ERN2: variants seen among roughly 807,000 people sequenced by gnomAD.
ERN2 encodes the protein endoplasmic reticulum to nucleus signaling 2, also known as serine/threonine-protein kinase/endoribonuclease IRE2.
In ERN2, 111 loss-of-function variants were observed where a neutral mutation model predicts 107.9. That is an observed-to-expected ratio of 1.03 (90% CI 0.88 to 1.20). The LOEUF (loss-of-function observed/expected upper bound fraction) is 1.20, where lower values mean the gene tolerates loss of function less well. Among genes scored for constraint, ERN2 ranks in the 50% most tolerant of loss-of-function variants. The probability of loss-of-function intolerance (pLI) is 0.00; values close to 1 mark genes in which losing one functional copy is unlikely to be tolerated. For missense variants in ERN2, 1,225 were observed against 1,197.9 expected (o/e 1.02, Z -0.33); for synonymous variants, 524 against 501.7 (o/e 1.04, Z -0.59).
At chr16:23,707,431 T>G in intron 4 of ERN2, 1 of 321,896 alleles carries the variant, frequency 3.1e-6, no homozygotes, top group Middle Eastern at 1.1e-3. Flanking sequence ...AAACTTGCAC[T>G]GGGGCAGGCA....
chr16:23,698,837 C>G (rs905434008), intron 13 of ERN2, among the ~76,000 whole-genome samples: 4 of 152,214 alleles, frequency 2.6e-5, no homozygotes, highest in African/African-American at 7.2e-5. Context: ...ATCCCCCTGC[C>G]TTGGCCTCCC....
At chr16:23,710,630 G>T in intron 2 of ERN2, 81 bp from the exon 3 acceptor site, 1 of 1,467,412 alleles carries the variant, frequency 6.8e-7, no homozygotes. Flanking sequence ...CTGAGCTATG[G>T]CATGACTGTG....
intron 8 of ERN2, among the ~76,000 whole-genome samples, chr16:23,704,552 C>A (rs750762779): frequency 2.6e-5 from 4 of 152,172 alleles, no homozygotes; most frequent in Non-Finnish European, 5.9e-5. Context: ...AACTGAAAGT[C>A]CAATTAAACC....
chr16:23,692,009 G>A lies in ERN2; in HGVS notation c.2330C>T (p.Ala777Val). Reference sequence around the variant, plus strand: ...GGCTCTGCTCCAAAAGAAGGGGTGGGCCAGCACCTGGGGGGCAGAGGGGCG... The same window carrying A: ...GGCTCTGCTCCAAAAGAAGGGGTGGACCAGCACCTGGGGGGCAGAGGGGCG... ...QPRPSAPQVL[A>V]HPFFWSRAKQ... Residue 777 changes from alanine to valine, a missense_variant, in exon 19 of 22, where the codon GCC becomes GTC. Coordinates refer to ENST00000256797, the MANE Select transcript of ERN2 (RefSeq NM_033266.4). 6.2e-7 allele frequency: 1 copy of A among 1,613,830 alleles called. No homozygotes were observed. The highest frequency in any genetic ancestry group is 8.5e-7 in the Non-Finnish European group (1 of 1,179,940).
Position 23,694,840 on chromosome 16 carries a change from A to G in ERN2, c.1988T>C (p.Leu663Pro). The change falls in exon 17 of 22, where the codon CTC becomes CCC. Residue 663 changes from leucine to proline, a missense_variant. Physicochemically the swap from Leu to Pro is moderately conservative, Grantham distance 98. Coordinates refer to ENST00000256797, the MANE Select transcript of ERN2 (RefSeq NM_033266.4). Reference sequence around the variant, plus strand: ...GCGGCCAGCAGGCAGCTTCTTGCAGAGGCCGAAGTCTGAGAGCACCACTCT... The same window carrying G: ...GCGGCCAGCAGGCAGCTTCTTGCAGGGGCCGAAGTCTGAGAGCACCACTCT... ...LGRVVLSDFG[L>P]CKKLPAGRCS... 1.2e-6 allele frequency: 2 copies of G among 1,614,190 alleles called. No individual in the cohort carries two copies. Among genetic ancestry groups the G allele is most frequent in the Non-Finnish European group, 1.7e-6 (2 of 1,180,016 alleles).
intron 8 of ERN2, among the ~76,000 whole-genome samples, chr16:23,703,161 T>C (rs1266834156): frequency 3.3e-5 from 5 of 152,232 alleles, no homozygotes; most frequent in Non-Finnish European, 7.3e-5. Flanking sequence ...CAATTTGTTA[T>C]GCAGCTAAAG....
chr16:23,710,562 G>A lies in ERN2; in HGVS notation c.200-13C>T. 1.2e-6 allele frequency: 2 copies of A among 1,614,100 alleles called. No individual in the cohort carries two copies. The highest frequency in any genetic ancestry group is 1.7e-6 in the Non-Finnish European group (2 of 1,179,976). On this transcript the variant is annotated splice_polypyrimidine_tract_variant and intron_variant, in intron 2 of 21. Coordinates refer to ENST00000256797, the MANE Select transcript of ERN2 (RefSeq NM_033266.4). ...TCGATGACGGGATCTGCAGGGACAG[G>A]GACACAGAACATAAGCAGTTTCCTC...
At chr16:23,699,625 A>G (rs953177206) in intron 13 of ERN2, among the ~76,000 whole-genome samples, 1 of 152,066 alleles carries the variant, frequency 6.6e-6, no homozygotes, top group Non-Finnish European at 1.5e-5. Context: ...AGGTCTCCCT[A>G]TGTTGCCCAG....
In ERN2 at chr16:23,700,538, C is replaced by A. The variant is rs773035100; in HGVS notation, c.1525+1G>T. ...GCCCTGTCTTGTTCACACAGGCTCA[C>A]CTTCAGGGTCGTCGAGTGGCTGGGC... On this transcript the variant is annotated splice_donor_variant, in intron 13 of 21. Transcript: ENST00000256797. LOFTEE classifies it high-confidence loss of function. The A allele has an allele frequency of 6.2e-7, 1 of 1,610,904 alleles. No individual in the cohort carries two copies. The highest frequency in any genetic ancestry group is 8.5e-7 in the Non-Finnish European group (1 of 1,178,498).
At position 23,706,346 on chromosome 16, in the gene ERN2, A is replaced by G. The variant is rs1053664393; in HGVS notation, c.573T>C (p.Asp191=). The G allele has an allele frequency of 6.5e-7, 1 of 1,545,750 alleles. No homozygotes were observed. Among genetic ancestry groups the G allele is most frequent in the Non-Finnish European group, 8.7e-7 (1 of 1,149,680 alleles). The stretch of plus-strand genomic sequence containing the variant: ...GGAACTCACATTTCCCAGGTGAGCC[A>G]TCCATGGGGGGCGCTGAGTAGCGGC... ...TYRRYSAPPM[D]GSPGKYMSHL... Residue 191 remains aspartate, a synonymous_variant, in exon 7 of 22, where the codon GAT becomes GAC. Coordinates refer to ENST00000256797, the MANE Select transcript of ERN2 (RefSeq NM_033266.4).
chr16:23,691,098 GACCCAGGCCC>G lies in ERN2; in HGVS notation c.2568+21_2568+30del, dbSNP rs372802407. The G allele has an allele frequency of 4.0e-5, 65 of 1,613,922 alleles. No individual in the cohort carries two copies. The African/African-American group carries it at 5.7e-4, about 14-fold the overall frequency. On this transcript the variant is annotated intron_variant, in intron 21 of 21. Transcript: ENST00000256797. ...CTCAGCTGCGGCCAGGCCTTCCCAA[GACCCAGGCCC>G]ACCCAGGCCCCAACACATACCTTGT...
In ERN2 at chr16:23,690,557, T is replaced by A; in HGVS notation, c.*274A>T. The A allele has an allele frequency of 8.0e-6, 4 of 498,748 alleles. No homozygotes were observed. Among genetic ancestry groups the A allele is most frequent in the Non-Finnish European group, 1.5e-5 (4 of 273,426 alleles). 30.9% of individuals were successfully genotyped at this position (498,748 alleles called of 1,614,324 possible). On this transcript the variant is annotated 3_prime_UTR_variant, in exon 22 of 22. Transcript: ENST00000256797. ...GCAGCCTCGAACTCCTGGGCTCAAG[T>A]GATTCTCCCACCTCAGCCTCCCAAG...
At chr16:23,705,170 A>T (rs1335402756) in intron 7 of ERN2, 23 bp from the exon 8 acceptor site, 1 of 1,607,852 alleles carries the variant, frequency 6.2e-7, no homozygotes, top group African/African-American at 1.3e-5. Context: ...GTGGCTGGGG[A>T]GATGTGGTTG....
At chr16:23,700,767 T>G (rs753282444) in intron 12 of ERN2, 63 bp from the exon 13 acceptor site, 7 of 1,537,846 alleles carry the variant, frequency 4.6e-6, no homozygotes, top group South Asian at 1.2e-5. Context: ...ATGGGCCCAG[T>G]ATCTGTGACT....
Position 23,690,762 on chromosome 16 carries a change from G to C in ERN2, c.*69C>G. The stretch of plus-strand genomic sequence containing the variant: ...GAGCCACTGCACCCAGCCTGATTCT[G>C]AGGCCAGCCACAGGCTCAGCTCTTC... On this transcript the variant is annotated 3_prime_UTR_variant, in exon 22 of 22. Transcript: ENST00000256797. The C allele has an allele frequency of 2.7e-6, 3 of 1,093,892 alleles. No individual in the cohort carries two copies. Among genetic ancestry groups the C allele is most frequent in the Non-Finnish European group, 2.5e-6 (2 of 784,624 alleles). 67.8% of individuals were successfully genotyped at this position (1,093,892 alleles called of 1,614,324 possible).
Position 23,702,475 on chromosome 16 carries a change from G to A in ERN2, c.996C>T (p.Val332=). The A allele has an allele frequency of 6.2e-7, 1 of 1,613,632 alleles. No individual in the cohort carries two copies. Among genetic ancestry groups the A allele is most frequent in the Non-Finnish European group, 8.5e-7 (1 of 1,180,028 alleles). Residue 332 remains valine (V), a synonymous_variant, in exon 10 of 22, where the codon GTC becomes GTT. Coordinates refer to ENST00000256797, the MANE Select transcript of ERN2 (RefSeq NM_033266.4). ...GPTTDEVTLQ[V]SGEREGSPST... ...TGGGTGAGCCCTCTCGCTCTCCTGA[G>A]ACTTGGAGTGTCACCTCATCTGTGG...
intron 17 of ERN2, 135 bp from the exon 18 acceptor site, chr16:23,692,466 TCTC>T: frequency 4.8e-6 from 4 of 835,152 alleles, no homozygotes; most frequent in Non-Finnish European, 7.5e-6. Context: ...CTGGGCAGCA[TCTC>T]CTTGGCTCTA....
intron 19 of ERN2, 28 bp downstream of exon 19, chr16:23,691,935 G>C: frequency 6.2e-7 from 1 of 1,603,896 alleles, no homozygotes; most frequent in Admixed American, 1.8e-5. Context: ...AGGACTTTTG[G>C]GGGCCATTCC....
At chr16:23,710,416 T>C (rs934157613) in intron 3 of ERN2, 100 bp downstream of exon 3, 2 of 1,355,488 alleles carry the variant, frequency 1.5e-6, no homozygotes, top group Non-Finnish European at 2.1e-6. Context: ...CTTCCCTTAC[T>C]TCCAACATGT....
Sources: gnomAD v4.1 joint callset for allele counts (sites outside exome capture counted in the v4.1 genomes callset) on GRCh38, gnomAD v4.1.1 for gene constraint, MANE v1.5 for transcripts, NCBI Gene and HGNC (gene_info 2026-07-23, HGNC 2026-07-21) for gene names.